Variants in HTRA4 observed in about 807,000 individuals in gnomAD.
HTRA4 encodes serine protease HTRA4.
HTRA4 carries 46 observed loss-of-function variants against 49.1 expected under a neutral mutation model. The ratio of observed to expected loss-of-function variants is 0.94; its 90% CI spans 0.74 to 1.20. The LOEUF (loss-of-function observed/expected upper bound fraction) is 1.20, where lower values mean the gene tolerates loss of function less well. Among genes scored for constraint, HTRA4 ranks in the 50% most tolerant of loss-of-function variants. The pLI, the probability that HTRA4 is intolerant of heterozygous loss-of-function variation, is 0.00. For missense variants in HTRA4, 602 were observed against 636.9 expected, an observed-to-expected ratio of 0.95 and a Z score of 0.59; for synonymous variants, 261 against 264.0, an observed-to-expected ratio of 0.99 and a Z score of 0.11.
chr8:38,984,462 T>A (rs1394444286), intron 8 of HTRA4, among the ~76,000 whole-genome samples: 1 of 151,300 alleles, frequency 6.6e-6, no homozygotes, highest in Non-Finnish European at 1.5e-5. Context: ...AAAATAAAAA[T>A]TAGGCCAGGT....
intron 6 of HTRA4, among the ~76,000 whole-genome samples, 178 bp downstream of exon 6, chr8:38,981,945 T>G (rs533406453): frequency 1.3e-5 from 2 of 152,048 alleles, no homozygotes; most frequent in African/African-American, 4.8e-5. Context: ...CCTCCTGGGT[T>G]CAAGCGATTC....
At chr8:38,984,000 TA>T (rs1223164968) in intron 8 of HTRA4, among the ~76,000 whole-genome samples, 7 of 122,710 alleles carry the variant, frequency 5.7e-5, no homozygotes, top group African/African-American at 1.1e-4. Context: ...AATTATTCAT[TA>T]ATAGTTTTTT....
intron 1 of HTRA4, 28 bp from the exon 2 acceptor site, chr8:38,975,003 G>A (rs1224470031): frequency 2.5e-6 from 4 of 1,610,310 alleles, no homozygotes; most frequent in East Asian, 2.2e-5. Context: ...CCCTCGAGGC[G>A]TACTCTTGAG....
rs1239362385 is a variant in HTRA4, at chr8:38,982,493, T to C, written c.1115-5T>C. ...GTTGTAACACATCATAACTTTCCTT[T>C]CCAGGAAAGGCGTTTTCAAATAAGA... On this transcript the variant is annotated splice_region_variant and splice_polypyrimidine_tract_variant and intron_variant, in intron 6 of 8. Coordinates refer to ENST00000302495, the MANE Select transcript of HTRA4 (RefSeq NM_153692.4). 27 of 1,613,420 alleles carry C rather than the reference T, an allele frequency of 1.7e-5. No homozygotes were observed. Among genetic ancestry groups the C allele is most frequent in the Admixed American group, 1.7e-5 (1 of 60,002 alleles).
chr8:38,978,417 C>A (rs747338130), intron 4 of HTRA4, among the ~76,000 whole-genome samples: 9 of 152,210 alleles, frequency 5.9e-5, no homozygotes, highest in Admixed American at 3.3e-4. Context: ...GCAGTTTCAT[C>A]CCAAACCACC....
intron 8 of HTRA4, 65 bp downstream of exon 8, chr8:38,983,113 G>A: frequency 9.6e-7 from 1 of 1,038,092 alleles, no homozygotes; most frequent in Non-Finnish European, 1.5e-6. Context: ...ATGGTAAAAT[G>A]CATGGGGGAT....
At chr8:38,980,065 G>A (rs1301631738) in intron 5 of HTRA4, among the ~76,000 whole-genome samples, 3 of 152,142 alleles carry the variant, frequency 2.0e-5, no homozygotes, top group Non-Finnish European at 1.5e-5. Flanking sequence ...ATACATTGCC[G>A]TGTCATGTAT....
rs1014576983 is a variant in HTRA4 at position 38,985,255 on chromosome 8, G to T, written c.1268+2207G>T. Among the ~76,000 whole-genome samples the T allele has an allele frequency of 1.5e-4, 22 of 149,568 alleles. No homozygotes were observed. The East Asian group carries it at 4.5e-3, about 31-fold the overall frequency. On this transcript the variant is annotated intron_variant, in intron 8 of 8. Transcript: ENST00000302495. ...GGCTCACTGCAACCTCTGCCTCCTGGGTTCAAGTGATTCTCCTGCCTCAGC... is the reference window on the plus strand; with the variant it reads ...GGCTCACTGCAACCTCTGCCTCCTGTGTTCAAGTGATTCTCCTGCCTCAGC...
chr8:38,980,363 G>C (rs1835403408), intron 5 of HTRA4, among the ~76,000 whole-genome samples: 2 of 151,810 alleles, frequency 1.3e-5, no homozygotes, highest in African/African-American at 4.8e-5. Context: ...ACTAGAGCAG[G>C]GATGAAATGC....
chr8:38,975,258 T>G, intron 2 of HTRA4, 128 bp downstream of exon 2: 1 of 901,700 alleles, frequency 1.1e-6, no homozygotes, highest in Non-Finnish European at 1.7e-6. Context: ...GTAAAGAGGT[T>G]GAATAACCTG....
rs1835416069 is a variant in HTRA4, at chr8:38,981,083, T to TTTTTG, written c.1000-566_1000-565insGTTTT. On this transcript the variant is annotated intron_variant, in intron 5 of 8. Coordinates refer to ENST00000302495, the MANE Select transcript of HTRA4 (RefSeq NM_153692.4). ...CTTAAGTTTTTTTTTTTTTTTTTTTTTTTTTTTTTTTTTTGAGACGGAGTC... is the reference window on the plus strand; with the variant it reads ...CTTAAGTTTTTTTTTTTTTTTTTTTTTTTTGTTTTTTTTTTTTTTGAGACGGAGTC... 3.3e-4 allele frequency among the ~76,000 whole-genome samples: 17 copies of TTTTTG among 51,294 alleles called. 2 individuals carry two copies. In the East Asian group the frequency reaches 0.027, roughly 82 times the overall value. The allele number at this position is 51,294 out of a possible 152,430, so 33.7% of individuals were successfully genotyped here. A position where few individuals can be genotyped will look rare whatever the true frequency, so the allele number is the denominator to read the frequency against.
At chr8:38,974,952 T>G in intron 1 of HTRA4, 79 bp from the exon 2 acceptor site, 3 of 1,537,722 alleles carry the variant, frequency 2.0e-6, no homozygotes, top group Non-Finnish European at 2.7e-6. Context: ...GAACACTGTC[T>G]TGCCTTTAAC....
chr8:38,986,036 T>G (rs867808441), intron 8 of HTRA4, among the ~76,000 whole-genome samples: 1 of 152,072 alleles, frequency 6.6e-6, no homozygotes, highest in Non-Finnish European at 1.5e-5. Context: ...CAGCTGGGTG[T>G]GGTGGCAGGT....
rs1287457312 is a variant in HTRA4 at position 38,981,068 on chromosome 8, T to TTTTTG, written c.1000-581_1000-580insGTTTT. ...AAGGAAAAAAATGAGCTTAAGTTTTTTTTTTTTTTTTTTTTTTTTTTTTTT... is the reference window on the plus strand; with the variant it reads ...AAGGAAAAAAATGAGCTTAAGTTTTTTTTTGTTTTTTTTTTTTTTTTTTTTTTTTT... On this transcript the variant is annotated intron_variant, in intron 5 of 8. Coordinates refer to ENST00000302495, the MANE Select transcript of HTRA4 (RefSeq NM_153692.4). Among the ~76,000 whole-genome samples the TTTTTG allele has an allele frequency of 2.0e-4, 10 of 49,244 alleles. 1 individual carries two copies. Among genetic ancestry groups the TTTTTG allele is most frequent in the Middle Eastern group, 7.9e-3 (1 of 126 alleles). The allele number at this position is 49,244 out of a possible 152,430, so 32.3% of individuals were successfully genotyped here. A position where few individuals can be genotyped will look rare whatever the true frequency, so the allele number is the denominator to read the frequency against.
intron 8 of HTRA4, among the ~76,000 whole-genome samples, chr8:38,984,723 T>A (rs1835464485): frequency 6.6e-6 from 1 of 152,018 alleles, no homozygotes; most frequent in Admixed American, 6.6e-5. Context: ...TACTCCAGCC[T>A]GGGCAAGAAA....
Position 38,984,290 on chromosome 8 carries a change from C to T in HTRA4, c.1268+1242C>T, listed in dbSNP as rs554821637. ...TACTGGGATTACAGGCATGAGCCAC[C>T]ACGCCTGGCCATATTTTAGGTATTT... On this transcript the variant is annotated intron_variant, in intron 8 of 8. Coordinates refer to ENST00000302495, the MANE Select transcript of HTRA4 (RefSeq NM_153692.4). Among the ~76,000 whole-genome samples the T allele has an allele frequency of 2.1e-3, 313 of 151,874 alleles. 1 individual carries two copies. The highest frequency in any genetic ancestry group is 7.2e-3 in the African/African-American group (297 of 41,470).
At chr8:38,982,760 A>C (rs984187755) in intron 7 of HTRA4, among the ~76,000 whole-genome samples, 193 bp from the exon 8 acceptor site, 5 of 152,198 alleles carry the variant, frequency 3.3e-5, no homozygotes, top group African/African-American at 1.2e-4. Context: ...GTATTTTATA[A>C]TGTCCAGTGG....
chr8:38,981,518 T>C lies in HTRA4; in HGVS notation c.1000-135T>C, dbSNP rs1476794963. ...ATAAAGGAACATCCGTTGCTCTCTT[T>C]TGAAGTACAAAGTTCCTCTCGGCCC... On this transcript the variant is annotated intron_variant, in intron 5 of 8. Transcript: ENST00000302495. 6 of 635,602 alleles carry C rather than the reference T, an allele frequency of 9.4e-6. No homozygotes were observed. In the East Asian group the frequency reaches 1.1e-4, roughly 11 times the overall value. The allele number at this position is 635,602 out of a possible 1,614,324, so 39.4% of individuals were successfully genotyped here.
intron 3 of HTRA4, 86 bp downstream of exon 3, chr8:38,976,825 C>T (rs1334913330): frequency 2.4e-6 from 3 of 1,229,410 alleles, no homozygotes; most frequent in African/African-American, 1.5e-5. Context: ...TACACTCTCA[C>T]ACCACATCTT....
Sources: allele counts gnomAD v4.1 joint callset (sites outside exome capture counted in the v4.1 genomes callset), GRCh38; gene constraint gnomAD v4.1.1; transcripts MANE v1.5; gene names NCBI Gene and HGNC (gene_info 2026-07-23, HGNC 2026-07-21).